Variants in VPS35L observed in about 807,000 individuals in gnomAD.
The protein encoded by VPS35L is VPS35 endosomal protein sorting factor like.
In VPS35L, 83 loss-of-function variants were observed where a neutral mutation model predicts 133.0. That is an observed-to-expected ratio of 0.62 (90% CI 0.52 to 0.75). The LOEUF (loss-of-function observed/expected upper bound fraction) is 0.75. VPS35L is among the 30% of genes least tolerant of loss of function. The probability of loss-of-function intolerance (pLI) is 0.00; values close to 1 mark genes in which losing one functional copy is unlikely to be tolerated. For missense variants in VPS35L, 1,083 were observed against 1,206.8 expected, an observed-to-expected ratio of 0.90 and a Z score of 1.52; for synonymous variants, 423 against 449.9, an observed-to-expected ratio of 0.94 and a Z score of 0.76.
At chr16:19,655,002 A>C (rs924772972) in intron 26 of VPS35L, among the ~76,000 whole-genome samples, 11 of 152,230 alleles carry the variant, frequency 7.2e-5, no homozygotes, top group African/African-American at 2.7e-4. Context: ...CCCCTTATCA[A>C]AGATTTGGTG....
intron 26 of VPS35L, among the ~76,000 whole-genome samples, chr16:19,655,265 A>G (rs993210474): frequency 2.6e-5 from 4 of 152,210 alleles, no homozygotes; most frequent in African/African-American, 9.7e-5. Flanking sequence ...TTTTTACTCA[A>G]GTCTCTAAAT....
chr16:19,568,824 T>G (rs1255840112), intron 2 of VPS35L, among the ~76,000 whole-genome samples: 2 of 152,148 alleles, frequency 1.3e-5, no homozygotes, highest in African/African-American at 4.8e-5. Flanking sequence ...TTTCATATCT[T>G]TTGTAGAGAT....
intron 28 of VPS35L, among the ~76,000 whole-genome samples, chr16:19,688,292 T>A (rs764083579): frequency 2.0e-5 from 3 of 152,106 alleles, no homozygotes; most frequent in Non-Finnish European, 2.9e-5. Context: ...TATTGTCTCT[T>A]TTGAATTGTG....
chr16:19,610,070 A>C (rs1277146995), intron 11 of VPS35L, among the ~76,000 whole-genome samples: 1 of 152,194 alleles, frequency 6.6e-6, no homozygotes, highest in Non-Finnish European at 1.5e-5. Flanking sequence ...CTGGGGAAAA[A>C]ATGTGGTTAG....
intron 8 of VPS35L, among the ~76,000 whole-genome samples, chr16:19,594,854 AG>A (rs1972159392): frequency 1.3e-5 from 2 of 151,900 alleles, no homozygotes; most frequent in South Asian, 4.2e-4. Context: ...TGCAAGTTTA[AG>A]TAAGGTGCTC....
chr16:19,576,539 C>A (rs1243785957), intron 5 of VPS35L, among the ~76,000 whole-genome samples: 1 of 152,062 alleles, frequency 6.6e-6, no homozygotes, highest in African/African-American at 2.4e-5. Flanking sequence ...CAGGATGGGA[C>A]CCCAGAATTC....
intron 26 of VPS35L, among the ~76,000 whole-genome samples, chr16:19,664,560 T>C (rs1416637292): frequency 6.7e-5 from 10 of 149,282 alleles, no homozygotes; most frequent in African/African-American, 2.5e-4. Flanking sequence ...TGTTCTGAGA[T>C]ACTGGAAATA....
chr16:19,649,539 C>T (rs1974059499), intron 24 of VPS35L, among the ~76,000 whole-genome samples: 2 of 152,208 alleles, frequency 1.3e-5, no homozygotes, highest in Non-Finnish European at 1.5e-5. Flanking sequence ...ATCAGCCTTG[C>T]ACCAGTGCTT....
intron 26 of VPS35L, 93 bp downstream of exon 26, chr16:19,652,183 TTTC>T: frequency 2.1e-6 from 2 of 935,154 alleles, no homozygotes; most frequent in East Asian, 5.4e-5. Context: ...GAGACAAAGA[TTTC>T]TTTTTTTAGA....
rs192613568 is a variant in VPS35L, at chr16:19,593,903, C to T, written c.724+2029C>T. 2.1e-5 allele frequency among the ~76,000 whole-genome samples: 3 copies of T among 144,374 alleles called. No individual in the cohort carries two copies. In the Admixed American group the frequency reaches 2.1e-4, roughly 10 times the overall value. 94.7% of individuals were successfully genotyped at this position (144,374 alleles called of 152,430 possible). On this transcript the variant is annotated intron_variant, in intron 8 of 30. Coordinates refer to ENST00000417362, the MANE Select transcript of VPS35L (RefSeq NM_020314.7). The stretch of plus-strand genomic sequence containing the variant: ...CTGCACTCCAGCCTGGGCGACAGGG[C>T]GAGACTCCGTCTCCAAAAAAAAAAA...
chr16:19,652,086 C>T lies in VPS35L; in HGVS notation c.2217C>T (p.Ser739=). The change falls in exon 26 of 31, where the codon TCC becomes TCT. Residue 739 remains serine (S), a synonymous_variant. Coordinates refer to ENST00000417362, the MANE Select transcript of VPS35L (RefSeq NM_020314.7). ...TGGCCTTGGCCAACCAGTGCCTCTC[C>T]CAAGGTAAGTCCATCATTCTCTCAT... The part of the protein sequence containing the change: ...GQVALANQCL[S]QADAFFKAAI... 1 of 1,578,566 alleles carries T rather than the reference C, an allele frequency of 6.3e-7. No homozygotes were observed. Among genetic ancestry groups the T allele is most frequent in the Non-Finnish European group, 8.7e-7 (1 of 1,152,684 alleles).
intron 27 of VPS35L, among the ~76,000 whole-genome samples, chr16:19,675,561 T>C (rs568032653): frequency 1.3e-5 from 2 of 152,138 alleles, no homozygotes; most frequent in South Asian, 4.2e-4. Context: ...TGTTTTTGTT[T>C]TGTTTTGTTT....
intron 27 of VPS35L, among the ~76,000 whole-genome samples, chr16:19,676,904 G>T (rs1461187258): frequency 2.6e-5 from 4 of 152,142 alleles, no homozygotes; most frequent in Non-Finnish European, 5.9e-5. Context: ...GGTCCACCAA[G>T]AGGCTGATGA....
At chr16:19,654,367 CTAGGACAGGCACGTGTCTTCAT>C (rs1206005093) in intron 26 of VPS35L, among the ~76,000 whole-genome samples, 11 of 145,130 alleles carry the variant, frequency 7.6e-5, no homozygotes, top group African/African-American at 2.8e-4. Flanking sequence ...CGTGTCCTCA[CTAGGACAGGCACGTGTCTTCAT>C]TGTGTGTAGG....
intron 3 of VPS35L, among the ~76,000 whole-genome samples, chr16:19,571,933 C>T (rs933931496): frequency 6.6e-6 from 1 of 151,950 alleles, no homozygotes; most frequent in Non-Finnish European, 1.5e-5. Context: ...TTTGACCAGC[C>T]GTATGGTATT....
chr16:19,567,856 G>T (rs1156654566), intron 2 of VPS35L, among the ~76,000 whole-genome samples: 1 of 151,920 alleles, frequency 6.6e-6, no homozygotes, highest in Non-Finnish European at 1.5e-5. Context: ...TGTAGTCCCA[G>T]CTACTCAGGA....
At chr16:19,666,673 T>C (rs1974673275) in intron 26 of VPS35L, among the ~76,000 whole-genome samples, 1 of 152,096 alleles carries the variant, frequency 6.6e-6, no homozygotes. Context: ...ATAGGCACAT[T>C]CTCTGGGCCA....
At chr16:19,590,675 G>A (rs1972016282) in intron 7 of VPS35L, among the ~76,000 whole-genome samples, 1 of 152,148 alleles carries the variant, frequency 6.6e-6, no homozygotes, top group Non-Finnish European at 1.5e-5. Context: ...TTGGCCGGGT[G>A]CAGTGGCTCA....
chr16:19,588,240 G>C (rs1971935588), intron 7 of VPS35L, among the ~76,000 whole-genome samples: 1 of 151,924 alleles, frequency 6.6e-6, no homozygotes, highest in South Asian at 2.1e-4. Context: ...GGAGTGCAGT[G>C]GCATCATCTT....
Sources: gnomAD v4.1 joint callset for allele counts (sites outside exome capture counted in the v4.1 genomes callset) on GRCh38, gnomAD v4.1.1 for gene constraint, MANE v1.5 for transcripts, NCBI Gene and HGNC (gene_info 2026-07-23, HGNC 2026-07-21) for gene names.